Variants in MYH15 observed in about 807,000 individuals in gnomAD.
The protein encoded by MYH15 is myosin-15.
Under a neutral mutation model 240.5 loss-of-function variants are expected in MYH15, and 227 were observed. That is an observed-to-expected ratio of 0.94 (90% CI 0.85 to 1.05). The LOEUF (loss-of-function observed/expected upper bound fraction) is 1.05. MYH15 is among the 50% of genes least tolerant of loss of function. The pLI, the probability that MYH15 is intolerant of heterozygous loss-of-function variation, is 0.00. For missense variants in MYH15, 2,217 were observed against 2,247.5 expected (o/e 0.99, Z 0.27); for synonymous variants, 785 against 796.7 (o/e 0.99, Z 0.25).
chr3:108,454,176 A>G (rs754100250), intron 20 of MYH15, 34 bp from the exon 21 acceptor site: 1 of 1,584,454 alleles, frequency 6.3e-7, no homozygotes, highest in Non-Finnish European at 8.6e-7. Context: ...CTCCACTGAT[A>G]ATGGGTATTC....
chr3:108,454,748 C>G (rs75329019), intron 20 of MYH15, among the ~76,000 whole-genome samples: 2,144 of 152,200 alleles, frequency 0.014, 26 homozygotes, highest in Admixed American at 0.026. Context: ...TGATTACTAA[C>G]AAACAAGGTG....
upstream of MYH15, chr3:108,510,699 T>A: frequency 9.9e-7 from 1 of 1,006,952 alleles, no homozygotes; most frequent in Non-Finnish European, 1.5e-6. Context: ...TTCCTGTAAC[T>A]ACCTGTGCCC....
intron 12 of MYH15, among the ~76,000 whole-genome samples, chr3:108,475,572 T>C (rs987584218): frequency 2.6e-5 from 4 of 152,172 alleles, no homozygotes; most frequent in Admixed American, 6.5e-5. Flanking sequence ...GTGCAGTCAC[T>C]TGGGAGGCCG....
chr3:108,531,561 G>A (rs947578977), upstream of MYH15, among the ~76,000 whole-genome samples: 3 of 152,048 alleles, frequency 2.0e-5, no homozygotes, highest in African/African-American at 7.2e-5. Flanking sequence ...GGCAGATCAC[G>A]AGGTCAGGAG....
chr3:108,520,616 T>C (rs1381550660), intron 1 of MYH15, among the ~76,000 whole-genome samples: 1 of 152,118 alleles, frequency 6.6e-6, no homozygotes. Flanking sequence ...ATAACCAAAA[T>C]CCGCAGACTA....
rs772256475 is a variant in MYH15, at chr3:108,507,258, T to TGA, written c.89-1430_89-1429insTC. Among the ~76,000 whole-genome samples, 41 of 56,906 alleles carry TGA rather than the reference T, an allele frequency of 7.2e-4. 2 individuals carry two copies. Among genetic ancestry groups the TGA allele is most frequent in the Non-Finnish European group, 1.2e-3 (27 of 23,280 alleles). The allele number at this position is 56,906 out of a possible 152,430, so 37.3% of individuals were successfully genotyped here. ...ATATATATATATATATATATATATA[T>TGA]ATATATATATATATATATACACATA... On this transcript the variant is annotated intron_variant, in intron 1 of 40. Coordinates refer to ENST00000693548, the MANE Select transcript of MYH15 (RefSeq NM_014981.3).
intron 32 of MYH15, among the ~76,000 whole-genome samples, 187 bp from the exon 33 acceptor site, chr3:108,405,640 T>C (rs549985013): frequency 2.6e-5 from 4 of 152,356 alleles, no homozygotes; most frequent in African/African-American, 7.2e-5. Flanking sequence ...ATTTCACTTA[T>C]AGATTTGACA....
chr3:108,431,740 G>A (rs1199719624), intron 25 of MYH15, among the ~76,000 whole-genome samples: 1 of 152,162 alleles, frequency 6.6e-6, no homozygotes, highest in Non-Finnish European at 1.5e-5. Flanking sequence ...AGTTTGGAGG[G>A]CTCAGAAGAA....
chr3:108,513,989 T>A (rs1389046104), upstream of MYH15, among the ~76,000 whole-genome samples: 1 of 152,208 alleles, frequency 6.6e-6, no homozygotes, highest in Non-Finnish European at 1.5e-5. Flanking sequence ...ACGGCACAAT[T>A]TCCAGGTGTA....
upstream of MYH15, among the ~76,000 whole-genome samples, chr3:108,532,031 G>C (rs2083714792): frequency 6.6e-6 from 1 of 152,072 alleles, no homozygotes; most frequent in Non-Finnish European, 1.5e-5. Flanking sequence ...GGAAGCACTG[G>C]AAGGGAGGGA....
intron 2 of MYH15, among the ~76,000 whole-genome samples, chr3:108,503,887 T>A (rs909559475): frequency 1.3e-5 from 2 of 152,102 alleles, no homozygotes. Context: ...AGACAGAGCA[T>A]ACAAACAACC....
At chr3:108,439,118 T>A (rs758880917) in intron 24 of MYH15, among the ~76,000 whole-genome samples, 7 of 151,744 alleles carry the variant, frequency 4.6e-5, no homozygotes, top group South Asian at 2.1e-4. Flanking sequence ...GGGACTACTG[T>A]GAGCATAAAT....
In MYH15 at chr3:108,410,827, G is replaced by A. The variant is rs1004659692; in HGVS notation, c.4251C>T (p.Leu1417=). 1.4e-5 allele frequency: 23 copies of A among 1,613,832 alleles called. No individual in the cohort carries two copies. The highest frequency in any genetic ancestry group is 4.5e-5 in the East Asian group (2 of 44,896). Residue 1417 remains leucine (L), a synonymous_variant, in exon 31 of 41, where the codon CTC becomes CTT. Coordinates refer to ENST00000693548, the MANE Select transcript of MYH15 (RefSeq NM_014981.3). ...TCCCGAGGTCAGACAGGGCGTCCCC[G>A]AGCTCCAGCTGCAGCTGGTGCCTGG... ...ERARHQLQLE[L]GDALSDLGKV...
At chr3:108,417,011 G>A in intron 28 of MYH15, 81 bp from the exon 29 acceptor site, 1 of 1,123,046 alleles carries the variant, frequency 8.9e-7, no homozygotes, top group Non-Finnish European at 1.3e-6. Flanking sequence ...GACTTTAAGG[G>A]TAGCCAGAAT....
rs762188170 is a variant in MYH15 at position 108,441,225 on chromosome 3, G to A, written c.2691C>T (p.Cys897=). 35 of 1,614,020 alleles carry A rather than the reference G, an allele frequency of 2.2e-5. No homozygotes were observed. The Admixed American group carries it at 4.7e-4, about 22-fold the overall frequency. The change falls in exon 23 of 41, where the codon TGC becomes TGT. Residue 897 remains cysteine, a synonymous_variant. Coordinates refer to ENST00000693548, the MANE Select transcript of MYH15 (RefSeq NM_014981.3). The part of the protein sequence containing the change: ...QETLANVEEQ[C]EWLIKSKIQL... ...GGATCTTGGATTTAATCAGCCACTCGCACTGCTCTTCAACATTTGCCAGTG... is the reference window on the plus strand; with the variant it reads ...GGATCTTGGATTTAATCAGCCACTCACACTGCTCTTCAACATTTGCCAGTG...
chr3:108,421,973 G>A (rs571278060), intron 27 of MYH15, among the ~76,000 whole-genome samples: 3 of 152,216 alleles, frequency 2.0e-5, no homozygotes, highest in South Asian at 2.1e-4. Context: ...CAGTCTAATC[G>A]CCAGACTCTT....
chr3:108,430,762 G>C, intron 26 of MYH15, 70 bp downstream of exon 26: 11 of 1,205,094 alleles, frequency 9.1e-6, no homozygotes, highest in Admixed American at 5.2e-5. Flanking sequence ...CAGAGAATTA[G>C]TCATTGAACC....
At chr3:108,550,116 T>C in the MYH15 span, 1 of 151,938 alleles carries the variant, frequency 6.6e-6, no homozygotes, top group Non-Finnish European at 1.5e-5. Flanking sequence ...ACTGTATTGG[T>C]ATAGCAATAA....
chr3:108,518,909 T>A (rs139753158), intron 1 of MYH15, among the ~76,000 whole-genome samples: 302 of 152,322 alleles, frequency 2.0e-3, no homozygotes, highest in African/African-American at 6.2e-3. Context: ...ATCTTCCTAA[T>A]GAAACATAAG....
Sources: allele counts gnomAD v4.1 joint callset (sites outside exome capture counted in the v4.1 genomes callset), GRCh38; gene constraint gnomAD v4.1.1; transcripts MANE v1.5; gene names NCBI Gene and HGNC (gene_info 2026-07-23, HGNC 2026-07-21).